SDK1: variants seen among roughly 807,000 people sequenced by gnomAD.
The protein encoded by SDK1 is sidekick cell adhesion molecule 1.
A neutral mutation model predicts 245.5 loss-of-function variants in SDK1; 157 were observed. That is an observed-to-expected ratio of 0.64 (90% confidence interval 0.56 to 0.73). The LOEUF (loss-of-function observed/expected upper bound fraction) is 0.73. Among genes scored for constraint, SDK1 ranks in the 30% least tolerant of loss-of-function variants. SDK1 has a pLI of 0.00. For synonymous variants in SDK1, 1,647 were observed against 1,278.5 expected (o/e 1.29, Z -6.15); for missense variants, 3,583 against 3,002.3 (o/e 1.19, Z -4.52).
chr7:3,859,017 C>T (rs1780618393), intron 5 of SDK1, among the ~76,000 whole-genome samples: 1 of 150,216 alleles, frequency 6.7e-6, no homozygotes, highest in Admixed American at 6.6e-5. Context: ...CGCCCGCCAC[C>T]ATGCCCGGCT....
At chr7:3,316,937 T>C (rs1300845190) in intron 1 of SDK1, among the ~76,000 whole-genome samples, 1 of 152,058 alleles carries the variant, frequency 6.6e-6, no homozygotes, top group African/African-American at 2.4e-5. Flanking sequence ...TTTGGCATTT[T>C]GGGAGGCTGA....
intron 44 of SDK1, among the ~76,000 whole-genome samples, chr7:4,261,968 C>G (rs1047304876): frequency 2.0e-5 from 3 of 150,088 alleles, no homozygotes; most frequent in Non-Finnish European, 4.4e-5. Flanking sequence ...AACCGAGAAA[C>G]CTCCACCTTC....
At chr7:3,913,447 C>T (rs1023965786) in intron 5 of SDK1, among the ~76,000 whole-genome samples, 2 of 152,086 alleles carry the variant, frequency 1.3e-5, no homozygotes, top group Non-Finnish European at 2.9e-5. Flanking sequence ...GCGCTCGCCA[C>T]AACGCCCAGC....
chr7:3,453,411 G>A (rs1016978256), intron 1 of SDK1, among the ~76,000 whole-genome samples: 9 of 152,178 alleles, frequency 5.9e-5, no homozygotes, highest in African/African-American at 2.2e-4. Flanking sequence ...TGGACAAAGG[G>A]TCTTCGCAGA....
chr7:4,209,476 T>G (rs186808930), intron 37 of SDK1, among the ~76,000 whole-genome samples: 1 of 152,294 alleles, frequency 6.6e-6, no homozygotes, highest in Admixed American at 6.5e-5. Flanking sequence ...TGACCTTCAG[T>G]AGCTCTAGAT....
chr7:3,315,859 A>C (rs1452733011), intron 1 of SDK1, among the ~76,000 whole-genome samples: 1 of 152,138 alleles, frequency 6.6e-6, no homozygotes, highest in Admixed American at 6.5e-5. Context: ...AGGGAACTTG[A>C]ATTATTGTTT....
In SDK1 at chr7:3,651,775, T is replaced by C. The variant is rs1271274760; in HGVS notation, c.713+9670T>C. Among the ~76,000 whole-genome samples the C allele has an allele frequency of 4.6e-5, 7 of 152,158 alleles. No homozygotes were observed. The East Asian group carries it at 1.4e-3, about 29-fold the overall frequency. On this transcript the variant is annotated intron_variant, in intron 4 of 44. Coordinates refer to ENST00000404826, the MANE Select transcript of SDK1 (RefSeq NM_152744.4). The stretch of plus-strand genomic sequence containing the variant: ...CAAAGAAGAAACCTTAAGACAACCA[T>C]ACATGTAATTCAGGTTGCCTCAGAG...
At chr7:3,354,403 A>G (rs1780740494) in intron 1 of SDK1, among the ~76,000 whole-genome samples, 1 of 152,202 alleles carries the variant, frequency 6.6e-6, no homozygotes, top group Admixed American at 6.5e-5. Flanking sequence ...ATGTCTGGAA[A>G]GTTGAATATA....
At chr7:3,684,942 A>T (rs1784231497) in intron 4 of SDK1, among the ~76,000 whole-genome samples, 2 of 152,204 alleles carry the variant, frequency 1.3e-5, no homozygotes, top group African/African-American at 4.8e-5. Flanking sequence ...CAATCTGAAC[A>T]ACTAAGAAAA....
intron 5 of SDK1, among the ~76,000 whole-genome samples, chr7:3,828,237 C>T (rs532595767): frequency 3.4e-4 from 51 of 152,028 alleles, no homozygotes; most frequent in African/African-American, 1.2e-3. Flanking sequence ...GAGATCACTC[C>T]ACTGCACTCC....
At chr7:3,431,358 GTTTTTTTTT>G (rs34510123) in intron 1 of SDK1, among the ~76,000 whole-genome samples, 3 of 118,370 alleles carry the variant, frequency 2.5e-5, no homozygotes, top group Non-Finnish European at 5.2e-5. Flanking sequence ...AATGTGGGAG[GTTTTTTTTT>G]TTTTTTTTTT....
intron 1 of SDK1, among the ~76,000 whole-genome samples, chr7:3,467,180 A>AT (rs1360076219): frequency 6.6e-6 from 1 of 152,082 alleles, no homozygotes; most frequent in Non-Finnish European, 1.5e-5. Context: ...CAATAAAAAT[A>AT]TTTTTCTGTA....
chr7:4,268,104 C>G lies in SDK1; in HGVS notation c.*2720C>G. On this transcript the variant is annotated 3_prime_UTR_variant, in exon 45 of 45. Transcript: ENST00000404826. ...TAAGCCAGGCTAGATGGAATGTGCT[C>G]CCGCTCTCTCCTGCCGTGCTGAAAG... 1.0e-6 allele frequency: 1 copy of G among 985,592 alleles called. No homozygotes were observed. The highest frequency in any genetic ancestry group is 1.2e-6 in the Non-Finnish European group (1 of 830,050). 61.1% of individuals were successfully genotyped at this position (985,592 alleles called of 1,614,324 possible).
intron 22 of SDK1, among the ~76,000 whole-genome samples, chr7:4,095,693 C>T (rs957324890): frequency 6.6e-6 from 1 of 152,208 alleles, no homozygotes; most frequent in African/African-American, 2.4e-5. Flanking sequence ...CTGCCTCAGC[C>T]TCCCAAGTAG....
intron 5 of SDK1, among the ~76,000 whole-genome samples, chr7:3,850,090 T>G (rs1780380349): frequency 6.6e-6 from 1 of 152,174 alleles, no homozygotes; most frequent in South Asian, 2.1e-4. Flanking sequence ...TTACAAGGTA[T>G]TTTCTTCCAC....
Position 4,163,764 on chromosome 7 carries a change from C to A in SDK1, c.4800+1908C>A, listed in dbSNP as rs182328283. On this transcript the variant is annotated intron_variant, in intron 32 of 44. Transcript: ENST00000404826. ...CCAGAGAGGAACCCGGTGAGCAGAG[C>A]CAGGCTGGGCTGTGGGTGGGGCCAG... is the stretch of plus-strand genomic sequence containing the variant. Among the ~76,000 whole-genome samples the A allele has an allele frequency of 2.6e-5, 4 of 152,282 alleles. No homozygotes were observed. The East Asian group carries it at 7.7e-4, about 29-fold the overall frequency.
chr7:3,362,135 T>A (rs1041035730), intron 1 of SDK1, among the ~76,000 whole-genome samples: 8 of 152,204 alleles, frequency 5.3e-5, no homozygotes, highest in African/African-American at 1.9e-4. Flanking sequence ...AGGACTGTGC[T>A]GTGATAAATA....
chr7:4,049,521 G>A lies in SDK1; in HGVS notation c.2718+58G>A, dbSNP rs139225334. On this transcript the variant is annotated intron_variant, in intron 18 of 44. Coordinates refer to ENST00000404826, the MANE Select transcript of SDK1 (RefSeq NM_152744.4). ...CTGTCATTGTCTGGAGCCACAGCGC[G>A]ACGCAGCTGGAGGCACCCCCTCTTG... 4.2e-4 allele frequency: 560 copies of A among 1,326,762 alleles called. 4 individuals carry two copies. In the East Asian group the frequency reaches 9.3e-3, roughly 22 times the overall value. The allele number at this position is 1,326,762 out of a possible 1,614,324, so 82.2% of individuals were successfully genotyped here. A position where few individuals can be genotyped will look rare whatever the true frequency, so the allele number is the denominator to read the frequency against.
chr7:3,597,407 A>T lies in SDK1; in HGVS notation c.299-21673A>T, dbSNP rs369543958. ...ACATCACTCTTTCAGTGTCATAAAG[A>T]GACTGAAACCTCAAATCCCACTGGG... On this transcript the variant is annotated intron_variant, in intron 1 of 44. Transcript: ENST00000404826. 2.0e-4 allele frequency among the ~76,000 whole-genome samples: 30 copies of T among 152,154 alleles called. No individual in the cohort carries two copies. The East Asian group carries it at 4.6e-3, about 23-fold the overall frequency.
Sources: gnomAD v4.1 joint callset for allele counts (sites outside exome capture counted in the v4.1 genomes callset) on GRCh38, gnomAD v4.1.1 for gene constraint, MANE v1.5 for transcripts, NCBI Gene and HGNC (gene_info 2026-07-23, HGNC 2026-07-21) for gene names.